Variants in GET4 observed in about 807,000 individuals in gnomAD.
GET4 encodes the protein Golgi to ER traffic protein 4 homolog.
Under a neutral mutation model 40.0 loss-of-function variants are expected in GET4, and 20 were observed. The ratio of observed to expected loss-of-function variants is 0.50; its 90% CI spans 0.35 to 0.73. The LOEUF (loss-of-function observed/expected upper bound fraction) is 0.73, where lower values mean the gene tolerates loss of function less well. Among genes scored for constraint, GET4 ranks in the 30% least tolerant of loss-of-function variants. The pLI is 0.01. For synonymous variants in GET4, 280 were observed against 194.6 expected, an observed-to-expected ratio of 1.44 and a Z score of -3.65; for missense variants, 557 against 454.0, an observed-to-expected ratio of 1.23 and a Z score of -2.06.
intron 4 of GET4, among the ~76,000 whole-genome samples, chr7:888,986 A>C (rs1844252454): frequency 6.6e-6 from 1 of 152,264 alleles, no homozygotes. Context: ...GGGGAGAGCC[A>C]GGCAGTGGGT....
intron 4 of GET4, among the ~76,000 whole-genome samples, chr7:887,880 T>C (rs1204444306): frequency 6.6e-6 from 1 of 152,196 alleles, no homozygotes; most frequent in Admixed American, 6.5e-5. Flanking sequence ...TACGCTGACC[T>C]CATCTTCTGA....
chr7:884,024 C>G, intron 1 of GET4: 1 of 1,150,998 alleles, frequency 8.7e-7, no homozygotes, highest in Non-Finnish European at 1.1e-6. Context: ...CCGTGACCAT[C>G]GGCAGTGCCC....
Position 893,817 on chromosome 7 carries a change from T to TGA in GET4, c.822+6_822+7dup, listed in dbSNP as rs1392730180. ...CGGCGGGACCCCATGTACAACGAGG[T>TGA]GAGAGCTTGGGGCTGGGGAGGGAGG... On this transcript the variant is annotated splice_region_variant and intron_variant, in intron 7 of 8. Transcript: ENST00000265857. 6.2e-7 allele frequency: 1 copy of TGA among 1,609,948 alleles called. No individual in the cohort carries two copies.
At chr7:891,530 G>T (rs1198444858) in intron 5 of GET4, among the ~76,000 whole-genome samples, 1 of 152,278 alleles carries the variant, frequency 6.6e-6, no homozygotes, top group East Asian at 1.9e-4. Flanking sequence ...CTCCTGCGTG[G>T]TCCCTCCCGC....
chr7:877,040 C>T (rs1335989560), intron 1 of GET4, among the ~76,000 whole-genome samples: 4 of 150,020 alleles, frequency 2.7e-5, no homozygotes, highest in Non-Finnish European at 5.9e-5. Flanking sequence ...TCCTTCCCCT[C>T]TCCTGCGTTC....
At chr7:890,731 G>A (rs1032246680) in intron 4 of GET4, among the ~76,000 whole-genome samples, 197 bp from the exon 5 acceptor site, 2 of 152,100 alleles carry the variant, frequency 1.3e-5, no homozygotes, top group African/African-American at 2.4e-5. Flanking sequence ...TTTCCCCGTG[G>A]ATCTGTTGAT....
chr7:886,395 AT>A (rs1844189158), intron 2 of GET4, 173 bp from the exon 3 acceptor site: 2 of 624,008 alleles, frequency 3.2e-6, no homozygotes, highest in South Asian at 3.8e-5. Context: ...TTTTCATGTG[AT>A]TCTCGGCCAG....
At chr7:882,502 C>A (rs1255029066) in intron 1 of GET4, 1 of 152,610 alleles carries the variant, frequency 6.6e-6, no homozygotes, top group East Asian at 1.9e-4. Context: ...GACCTTGCCC[C>A]ATGGATGGCG....
intron 3 of GET4, among the ~76,000 whole-genome samples, chr7:886,878 G>A (rs1304557403): frequency 1.3e-5 from 2 of 152,366 alleles, no homozygotes; most frequent in East Asian, 3.9e-4. Context: ...TCGTAGGCAG[G>A]GCATGACTGG....
At chr7:878,872 C>G (rs1844023669) in intron 1 of GET4, among the ~76,000 whole-genome samples, 1 of 152,214 alleles carries the variant, frequency 6.6e-6, no homozygotes. Flanking sequence ...AGCCACGGCG[C>G]CCGGCCAGTA....
At chr7:886,256 C>G in intron 2 of GET4, 122 bp downstream of exon 2, 2 of 686,220 alleles carry the variant, frequency 2.9e-6, no homozygotes, top group Non-Finnish European at 5.2e-6. Context: ...GCCACTGGGG[C>G]TGTGGGTGGC....
At chr7:887,686 C>T (rs1272472410) in intron 4 of GET4, among the ~76,000 whole-genome samples, 167 bp downstream of exon 4, 1 of 152,220 alleles carries the variant, frequency 6.6e-6, no homozygotes, top group Non-Finnish European at 1.5e-5. Flanking sequence ...AGCCCGGGAT[C>T]AGAGCCACTG....
At position 891,028 on chromosome 7, in the gene GET4, C is replaced by T. The variant is rs1272563729; in HGVS notation, c.567C>T (p.Arg189=). 4 of 1,610,122 alleles carry T rather than the reference C, an allele frequency of 2.5e-6. No individual in the cohort carries two copies. The East Asian group carries it at 6.7e-5, about 27-fold the overall frequency. Residue 189 remains arginine, a synonymous_variant, in exon 5 of 9, where the codon CGC becomes CGT. Transcript: ENST00000265857. ...AGTATTCCACGTCCCGCGGCTTCCG[C>T]AGCGAGGTGGACATGTTCGTGGCCC... ...LVEYSTSRGF[R]SEVDMFVAQA...
chr7:887,503 C>T lies in GET4; in HGVS notation c.450C>T (p.Ala150=). The T allele has an allele frequency of 1.3e-6, 2 of 1,549,652 alleles. No individual in the cohort carries two copies. Among genetic ancestry groups the T allele is most frequent in the Non-Finnish European group, 8.7e-7 (1 of 1,149,434 alleles). Residue 150 remains alanine (A), a synonymous_variant, in exon 4 of 9, where the codon GCC becomes GCT. Coordinates refer to ENST00000265857, the MANE Select transcript of GET4 (RefSeq NM_015949.3). ...LGHPRLHQLL[A]LTLWKEQNYC... ...ACCCCCGGCTGCACCAGCTGCTGGC[C>T]CTCACCCTGTGGAAAGGTAGGCCTG...
chr7:887,899 T>G (rs1436512001), intron 4 of GET4, among the ~76,000 whole-genome samples: 2 of 152,138 alleles, frequency 1.3e-5, no homozygotes, highest in Non-Finnish European at 2.9e-5. Context: ...GATGAAGCCT[T>G]TGCGGGGATT....
At chr7:891,351 T>C (rs1844318067) in intron 5 of GET4, among the ~76,000 whole-genome samples, 1 of 152,216 alleles carries the variant, frequency 6.6e-6, no homozygotes, top group Non-Finnish European at 1.5e-5. Flanking sequence ...GTCTCTGCTG[T>C]ACTCAGGCCT....
At position 895,628 on chromosome 7, in the gene GET4, G is replaced by A. The variant is rs113691849; in HGVS notation, c.*206G>A. On this transcript the variant is annotated 3_prime_UTR_variant, in exon 9 of 9. Transcript: ENST00000265857. ...TGCTGGGACCCAAGAGTGGGGCGTC[G>A]CCCCTGCTGGCCGCCGCGTCCCCCG... The A allele has an allele frequency of 1.4e-3, 599 of 431,736 alleles. 1 individual carries two copies. The highest frequency in any genetic ancestry group is 2.4e-3 in the Admixed American group (57 of 23,476). The allele number at this position is 431,736 out of a possible 1,614,324, so 26.7% of individuals were successfully genotyped here.
intron 1 of GET4, chr7:883,421 C>T (rs181271410): frequency 2.1e-5 from 15 of 725,968 alleles, no homozygotes; most frequent in Middle Eastern, 1.4e-3. Context: ...CATTTGACAC[C>T]GACAGTCTCG....
At chr7:891,152 G>A (rs556198233) in intron 5 of GET4, 86 bp downstream of exon 5, 10 of 1,052,294 alleles carry the variant, frequency 9.5e-6, no homozygotes, top group South Asian at 7.9e-5. Flanking sequence ...TCCCCTGTCC[G>A]AGCCGAGCTG....
Sources: gnomAD v4.1 joint callset for allele counts (sites outside exome capture counted in the v4.1 genomes callset) on GRCh38, gnomAD v4.1.1 for gene constraint, MANE v1.5 for transcripts, NCBI Gene and HGNC (gene_info 2026-07-23, HGNC 2026-07-21) for gene names.